LHFPL3: variants seen among roughly 807,000 people sequenced by gnomAD.
The protein encoded by LHFPL3 is LHFPL tetraspan subfamily member 3, also known as LHFPL tetraspan subfamily member 3 protein.
In LHFPL3, 5 loss-of-function variants were observed where a neutral mutation model predicts 19.3. That is an observed-to-expected ratio of 0.26 (90% confidence interval 0.14 to 0.54). The LOEUF is 0.54. LHFPL3 is among the 20% of genes least tolerant of loss of function. LHFPL3 has a pLI of 0.94. For synonymous variants in LHFPL3, 133 were observed against 126.2 expected (o/e 1.05, Z -0.36); for missense variants, 249 against 307.4 (o/e 0.81, Z 1.42).
intron 1 of LHFPL3, among the ~76,000 whole-genome samples, chr7:104,496,175 C>T (rs36200557): frequency 3.4e-4 from 52 of 152,056 alleles, no homozygotes; most frequent in Middle Eastern, 3.4e-3. Flanking sequence ...TGTGTCCATG[C>T]GTTCTCGTTG....
Position 104,736,855 on chromosome 7 carries a change from T to C in LHFPL3, c.626T>C (p.Val209Ala). Residue 209 changes from valine (V) to alanine (A), a missense_variant, in exon 2 of 3, where the codon GTG becomes GCG. Transcript: ENST00000424859. Reference protein sequence around the residue: ...DALILSFLAFVLGNRQDSLMA... With the variant: ...DALILSFLAFALGNRQDSLMA... ...CTGATCCTCTCATTTCTAGCATTTG[T>C]GCTTGGTAATCGACAAGACAGCTTG... 6.2e-7 allele frequency: 1 copy of C among 1,612,482 alleles called. No individual in the cohort carries two copies. The highest frequency in any genetic ancestry group is 8.5e-7 in the Non-Finnish European group (1 of 1,179,346).
chr7:104,639,279 C>T (rs1187769837), intron 1 of LHFPL3, among the ~76,000 whole-genome samples: 1 of 152,058 alleles, frequency 6.6e-6, no homozygotes, highest in Non-Finnish European at 1.5e-5. Flanking sequence ...TTCAGGAATT[C>T]AGTTTCTTCC....
At chr7:104,733,717 T>A (rs868232349) in intron 1 of LHFPL3, among the ~76,000 whole-genome samples, 3 of 152,224 alleles carry the variant, frequency 2.0e-5, no homozygotes, top group African/African-American at 7.2e-5. Context: ...TTTAGCCCAT[T>A]TACATCTAAG....
intron 1 of LHFPL3, among the ~76,000 whole-genome samples, chr7:104,575,425 A>G (rs940768360): frequency 1.3e-5 from 2 of 152,144 alleles, no homozygotes; most frequent in African/African-American, 4.8e-5. Flanking sequence ...GAAATTGAGT[A>G]TAAGTAGCTA....
intron 1 of LHFPL3, among the ~76,000 whole-genome samples, chr7:104,686,982 A>G (rs1792817248): frequency 6.6e-6 from 1 of 152,224 alleles, no homozygotes; most frequent in Admixed American, 6.5e-5. Flanking sequence ...GCATGGGGCA[A>G]CTGCCCCCAT....
intron 1 of LHFPL3, among the ~76,000 whole-genome samples, chr7:104,421,499 G>A (rs1791732600): frequency 6.6e-6 from 1 of 152,134 alleles, no homozygotes; most frequent in Non-Finnish European, 1.5e-5. Context: ...CACTGGAAAG[G>A]TTTATTGGGA....
intron 2 of LHFPL3, among the ~76,000 whole-genome samples, chr7:104,841,200 T>C (rs1791196097): frequency 6.6e-6 from 1 of 152,138 alleles, no homozygotes; most frequent in Non-Finnish European, 1.5e-5. Context: ...GCACAAAAAG[T>C]ACGTCCCATT....
At chr7:104,828,873 A>T (rs984108293) in intron 2 of LHFPL3, among the ~76,000 whole-genome samples, 1 of 151,780 alleles carries the variant, frequency 6.6e-6, no homozygotes, top group African/African-American at 2.4e-5. Context: ...TGTCTCCACT[A>T]AAAATACAAA....
chr7:104,644,696 G>T (rs1791899446), intron 1 of LHFPL3, among the ~76,000 whole-genome samples: 2 of 152,148 alleles, frequency 1.3e-5, no homozygotes, highest in Non-Finnish European at 2.9e-5. Context: ...GGGAGGCCTT[G>T]GAGCAGACTC....
chr7:104,502,148 A>AT (rs1164651436), intron 1 of LHFPL3, among the ~76,000 whole-genome samples: 1 of 152,160 alleles, frequency 6.6e-6, no homozygotes, highest in Non-Finnish European at 1.5e-5. Flanking sequence ...ATTAATTCAG[A>AT]TTTTTTTCAC....
intron 1 of LHFPL3, among the ~76,000 whole-genome samples, chr7:104,647,243 C>T (rs1195068370): frequency 6.6e-6 from 1 of 152,208 alleles, no homozygotes; most frequent in African/African-American, 2.4e-5. Context: ...GAAAGCCTCT[C>T]CCTTTTTTCA....
chr7:104,898,841 G>A (rs888162736), intron 2 of LHFPL3, among the ~76,000 whole-genome samples: 3 of 152,046 alleles, frequency 2.0e-5, no homozygotes, highest in Non-Finnish European at 4.4e-5. Flanking sequence ...TATTGGCTAG[G>A]CATGATGGCT....
chr7:104,776,137 G>T (rs1307369898), intron 2 of LHFPL3, among the ~76,000 whole-genome samples: 1 of 152,134 alleles, frequency 6.6e-6, no homozygotes, highest in African/African-American at 2.4e-5. Context: ...GCTTCATTGT[G>T]GTGAACATCA....
intron 1 of LHFPL3, among the ~76,000 whole-genome samples, chr7:104,529,718 C>G (rs1035568833): frequency 6.6e-6 from 1 of 152,042 alleles, no homozygotes. Flanking sequence ...TGTCAGGAAC[C>G]GGGCTGGGCC....
intron 2 of LHFPL3, among the ~76,000 whole-genome samples, chr7:104,764,114 T>C (rs1794417667): frequency 6.6e-6 from 1 of 152,176 alleles, no homozygotes; most frequent in African/African-American, 2.4e-5. Context: ...ATTTTTAATT[T>C]TCCTCTCTCT....
chr7:104,668,714 A>AGGGGGGGGGG, intron 1 of LHFPL3: 1 of 1,527,900 alleles, frequency 6.5e-7, no homozygotes, highest in Non-Finnish European at 8.8e-7. Flanking sequence ...GTGATGATAG[A>AGGGGGGGGGG]GGTCCCCCCC....
chr7:104,828,971 G>C (rs12112388), intron 2 of LHFPL3, among the ~76,000 whole-genome samples: 2,403 of 151,962 alleles, frequency 0.016, 118 homozygotes, highest in African/African-American at 0.052. Flanking sequence ...GGAGGCAAAG[G>C]CTGCAGTGAG....
At chr7:104,418,744 T>C (rs1312733269) in intron 1 of LHFPL3, among the ~76,000 whole-genome samples, 1 of 152,048 alleles carries the variant, frequency 6.6e-6, no homozygotes, top group East Asian at 1.9e-4. Context: ...CCTTCAAGGA[T>C]AGGTGTGATT....
intron 1 of LHFPL3, among the ~76,000 whole-genome samples, chr7:104,685,004 G>T (rs1329601976): frequency 6.6e-6 from 1 of 152,184 alleles, no homozygotes; most frequent in Non-Finnish European, 1.5e-5. Context: ...AGATTATCCT[G>T]CCTTGGTGGT....
Sources: allele counts gnomAD v4.1 joint callset (sites outside exome capture counted in the v4.1 genomes callset), GRCh38; gene constraint gnomAD v4.1.1; transcripts MANE v1.5; gene names NCBI Gene and HGNC (gene_info 2026-07-23, HGNC 2026-07-21).